Variants in TSC2 observed in about 807,000 individuals in gnomAD.
The protein encoded by TSC2 is TSC complex subunit 2.
Under a neutral mutation model 202.2 loss-of-function variants are expected in TSC2, and 29 were observed. The observed-to-expected ratio is 0.14, with a 90% CI of 0.11 to 0.20. The LOEUF is 0.20. Among genes scored for constraint, TSC2 ranks in the 10% least tolerant of loss-of-function variants. The probability of loss-of-function intolerance (pLI) is 1.00; values close to 1 mark genes in which losing one functional copy is unlikely to be tolerated. For synonymous variants in TSC2, 1,349 were observed against 1,044.0 expected, an observed-to-expected ratio of 1.29 and a Z score of -5.63; for missense variants, 2,429 against 2,420.0, an observed-to-expected ratio of 1.00 and a Z score of -0.08.
intron 15 of TSC2, chr16:2,064,680 G>A (rs572838144): frequency 9.4e-5 from 55 of 582,110 alleles, no homozygotes; most frequent in Middle Eastern, 9.5e-4. Context: ...CTCCTGGACC[G>A]ACGCTGGAGC....
In TSC2 at chr16:2,088,881, G is replaced by GCGCACACACA. The variant is rs142285430; in HGVS notation, c.*272_*273insGCACACACAC. The GCGCACACACA allele has an allele frequency of 8.5e-4, 359 of 421,454 alleles. No homozygotes were observed. The highest frequency in any genetic ancestry group is 4.7e-3 in the African/African-American group (211 of 44,676). 26.1% of individuals were successfully genotyped at this position (421,454 alleles called of 1,614,324 possible). On this transcript the variant is annotated 3_prime_UTR_variant, in exon 42 of 42. Coordinates refer to ENST00000219476, the MANE Select transcript of TSC2 (RefSeq NM_000548.5). ...ACAGCACACTCGCGCGTGCGCGCGCGCACACACACACACACACAGTCACCT... is the reference window on the plus strand; with the variant it reads ...ACAGCACACTCGCGCGTGCGCGCGCGCGCACACACACACACACACACACACACAGTCACCT...
intron 6 of TSC2, chr16:2,055,839 G>A (rs915085638): frequency 2.8e-5 from 13 of 469,530 alleles, no homozygotes; most frequent in Non-Finnish European, 4.3e-5. Flanking sequence ...TGCAGTGAGC[G>A]GAGATCGTGC....
Position 2,088,495 on chromosome 16 carries a change from C to G in TSC2, c.5309C>G (p.Pro1770Arg), listed in dbSNP as rs771357054. The G allele has an allele frequency of 1.2e-6, 2 of 1,612,924 alleles. No individual in the cohort carries two copies. Among genetic ancestry groups the G allele is most frequent in the Admixed American group, 3.3e-5 (2 of 60,028 alleles). ...AACCCCAGCCTACCTCTGGTGCACC[C>G]TCCGTCCCATAGCAAAGCCCCTGCA... Reference protein sequence around the residue: ...YSNPSLPLVHPPSHSKAPAQT... With the variant: ...YSNPSLPLVHRPSHSKAPAQT... Residue 1770 changes from proline to arginine, a missense_variant, in exon 42 of 42, where the codon CCT becomes CGT. By Grantham distance (103) the Pro-to-Arg change is moderately radical. Coordinates refer to ENST00000219476, the MANE Select transcript of TSC2 (RefSeq NM_000548.5).
chr16:2,084,120 G>A, intron 33 of TSC2, 108 bp from the exon 34 acceptor site: 7 of 1,537,830 alleles, frequency 4.6e-6, no homozygotes, highest in Non-Finnish European at 6.1e-6. Context: ...GGGCTGGTCT[G>A]TGGCCCTGGG....
chr16:2,054,645 AC>A, intron 5 of TSC2: 2 of 688,096 alleles, frequency 2.9e-6, no homozygotes, highest in Non-Finnish European at 5.0e-6. Context: ...CCTGGCCTTC[AC>A]CCCAGACCTG....
At position 2,073,781 on chromosome 16, in the gene TSC2, C is replaced by T. The variant is rs531275503; in HGVS notation, c.2356-419C>T. On this transcript the variant is annotated intron_variant, in intron 21 of 41. Transcript: ENST00000219476. ...GGCTTTGGGAAATGGAAGCTGTTCCCGGGACACTGCCTGGCAGGCCATCTG... is the reference window on the plus strand; with the variant it reads ...GGCTTTGGGAAATGGAAGCTGTTCCTGGGACACTGCCTGGCAGGCCATCTG... Among the ~76,000 whole-genome samples the T allele has an allele frequency of 5.2e-5, 8 of 152,382 alleles. No individual in the cohort carries two copies. The South Asian group carries it at 6.2e-4, about 12-fold the overall frequency.
chr16:2,079,753 G>T lies in TSC2; in HGVS notation c.3397+84G>T. 7.1e-7 allele frequency: 1 copy of T among 1,412,746 alleles called. No homozygotes were observed. The highest frequency in any genetic ancestry group is 9.5e-7 in the Non-Finnish European group (1 of 1,047,586). 87.5% of individuals were successfully genotyped at this position (1,412,746 alleles called of 1,614,324 possible). A position where few individuals can be genotyped will look rare whatever the true frequency, so the allele number is the denominator to read the frequency against. On this transcript the variant is annotated intron_variant, in intron 29 of 41. Coordinates refer to ENST00000219476, the MANE Select transcript of TSC2 (RefSeq NM_000548.5). This position sits in a 1 kb window ranked among gnomAD's most constrained non-coding sequence, Gnocchi z 4.6. ...GTCCCAGTGTTCAGGAAGGCCCCGAGCCCAGGGGCCGGGGTGGCTGGCTTC... is the reference window on the plus strand; with the variant it reads ...GTCCCAGTGTTCAGGAAGGCCCCGATCCCAGGGGCCGGGGTGGCTGGCTTC...
intron 36 of TSC2, 32 bp downstream of exon 36, chr16:2,085,354 A>G (rs750536350): frequency 6.2e-7 from 1 of 1,610,318 alleles, no homozygotes. Context: ...AGGTGCCTGG[A>G]CAGGGCCAGC....
chr16:2,072,789 T>C (rs1886255929), intron 20 of TSC2, 60 bp from the exon 21 acceptor site: 1 of 1,611,732 alleles, frequency 6.2e-7, no homozygotes, highest in Middle Eastern at 1.8e-4. Flanking sequence ...CCCCAGCCCC[T>C]CTGGCTACCC....
chr16:2,055,367 G>C, intron 5 of TSC2, 35 bp from the exon 6 acceptor site: 2 of 1,561,172 alleles, frequency 1.3e-6, no homozygotes, highest in African/African-American at 1.4e-5. Context: ...ATGTAGATTC[G>C]GCGTCCTCGC....
Position 2,074,189 on chromosome 16 carries a change from G to T in TSC2, c.2356-11G>T. 1 of 1,610,670 alleles carries T rather than the reference G, an allele frequency of 6.2e-7. No homozygotes were observed. Among genetic ancestry groups the T allele is most frequent in the Non-Finnish European group, 8.5e-7 (1 of 1,179,866 alleles). On this transcript the variant is annotated splice_polypyrimidine_tract_variant and intron_variant, in intron 21 of 41. Coordinates refer to ENST00000219476, the MANE Select transcript of TSC2 (RefSeq NM_000548.5). ...AAGCGGGTGGGGCCTGAGGTGTCCTGTCTCCTGCAGCGCGAGATGGTCTAC... is the reference window on the plus strand; with the variant it reads ...AAGCGGGTGGGGCCTGAGGTGTCCTTTCTCCTGCAGCGCGAGATGGTCTAC...
chr16:2,074,926 A>G, intron 22 of TSC2: 1 of 190,628 alleles, frequency 5.2e-6, no homozygotes, highest in East Asian at 1.2e-4. Context: ...TTAGAAGTGT[A>G]GAAGCCTGGC....
At position 2,088,504 on chromosome 16, in the gene TSC2, A is replaced by C. The variant is rs45517418; in HGVS notation, c.5318A>C (p.His1773Pro). 6.2e-7 allele frequency: 1 copy of C among 1,612,852 alleles called. No individual in the cohort carries two copies. The highest frequency in any genetic ancestry group is 8.5e-7 in the Non-Finnish European group (1 of 1,180,008). The part of the protein sequence containing the change: ...PSLPLVHPPS[H>P]SKAPAQTPAE... The stretch of plus-strand genomic sequence containing the variant: ...CTACCTCTGGTGCACCCTCCGTCCC[A>C]TAGCAAAGCCCCTGCACAGACTCCA... Residue 1773 changes from histidine (H) to proline (P), a missense_variant, in exon 42 of 42, where the codon CAT becomes CCT. By Grantham distance (77) the His-to-Pro change is moderately conservative. Coordinates refer to ENST00000219476, the MANE Select transcript of TSC2 (RefSeq NM_000548.5).
intron 34 of TSC2, 39 bp from the exon 35 acceptor site, chr16:2,084,912 G>A (rs2151542274): frequency 6.2e-7 from 1 of 1,611,858 alleles, no homozygotes; most frequent in Non-Finnish European, 8.5e-7. Context: ...GCCCTGGCCA[G>A]GCCCTCACCT....
At position 2,077,784 on chromosome 16, in the gene TSC2, G is replaced by C. The variant is rs891440656; in HGVS notation, c.2966+58G>C. On this transcript the variant is annotated intron_variant, in intron 26 of 41. Transcript: ENST00000219476. ...CTGGAGCTTGGCCCCGTGAGCACCT[G>C]GGTGGCAGTGCATGGGGCTGCTTGC... 5 of 1,604,098 alleles carry C rather than the reference G, an allele frequency of 3.1e-6. No individual in the cohort carries two copies. In the African/African-American group the frequency reaches 5.3e-5, roughly 17 times the overall value.
intron 6 of TSC2, 122 bp from the exon 7 acceptor site, chr16:2,056,074 T>G (rs894842856): frequency 1.5e-6 from 2 of 1,291,580 alleles, no homozygotes; most frequent in South Asian, 1.2e-5. Flanking sequence ...GTTGGGTGGG[T>G]GGGACCCCCA....
At chr16:2,054,499 T>C in intron 5 of TSC2, 59 bp downstream of exon 5, 1 of 1,611,140 alleles carries the variant, frequency 6.2e-7, no homozygotes, top group Non-Finnish European at 8.5e-7. Flanking sequence ...GTAACCTGGA[T>C]GGGAAGGACC....
intron 38 of TSC2, 74 bp from the exon 39 acceptor site, chr16:2,087,789 C>G (rs1486489568): frequency 1.0e-5 from 16 of 1,554,062 alleles, no homozygotes; most frequent in African/African-American, 2.7e-5. Context: ...TCTAGCAGTG[C>G]AACCAGGCAG....
chr16:2,060,556 T>A (rs559468981), intron 10 of TSC2, 114 bp from the exon 11 acceptor site: 1 of 1,558,636 alleles, frequency 6.4e-7, no homozygotes, highest in Non-Finnish European at 8.8e-7. Flanking sequence ...GATAAACGTG[T>A]GGTGGGCACT....
Sources: gnomAD v4.1 joint callset for allele counts (sites outside exome capture counted in the v4.1 genomes callset) on GRCh38, gnomAD v4.1.1 for gene constraint, Gnocchi (gnomAD v3.1) non-coding constraint, MANE v1.5 for transcripts, NCBI Gene and HGNC (gene_info 2026-07-23, HGNC 2026-07-21) for gene names.